AP2A1: variants seen among roughly 807,000 people sequenced by gnomAD.
AP2A1 encodes the protein adaptor related protein complex 2 subunit alpha 1.
In AP2A1, 21 loss-of-function variants were observed where a neutral mutation model predicts 107.3. That is an observed-to-expected ratio of 0.20 (90% CI 0.14 to 0.28). The LOEUF is 0.28. AP2A1 is among the 10% of genes least tolerant of loss of function. The probability of loss-of-function intolerance (pLI) is 1.00; values close to 1 mark genes in which losing one functional copy is unlikely to be tolerated. For missense variants in AP2A1, 873 were observed against 1,307.7 expected, an observed-to-expected ratio of 0.67 and a Z score of 5.13; for synonymous variants, 602 against 564.8, an observed-to-expected ratio of 1.07 and a Z score of -0.93.
chr19:49,783,251 G>T (rs547947654), intron 4 of AP2A1, among the ~76,000 whole-genome samples: 1 of 152,168 alleles, frequency 6.6e-6, no homozygotes, highest in Non-Finnish European at 1.5e-5. Context: ...CATTTGGGGA[G>T]GCTGAGGCAG....
chr19:49,801,163 C>A, intron 12 of AP2A1, 105 bp downstream of exon 12: 1 of 1,170,234 alleles, frequency 8.5e-7, no homozygotes, highest in Non-Finnish European at 1.2e-6. Flanking sequence ...GGCTCCCATC[C>A]TCTCGGCCTC....
chr19:49,794,214 T>G (rs1334453482), intron 6 of AP2A1, among the ~76,000 whole-genome samples: 3 of 146,604 alleles, frequency 2.0e-5, no homozygotes, highest in Non-Finnish European at 4.5e-5. Context: ...CATTGTTTCT[T>G]TCTCAGGTTT....
At chr19:49,798,729 C>A (rs2073241052) in intron 7 of AP2A1, 73 bp from the exon 8 acceptor site, 6 of 1,530,124 alleles carry the variant, frequency 3.9e-6, no homozygotes, top group Admixed American at 2.1e-5. Context: ...GGAGCTGGGG[C>A]ATGGCCACCA....
chr19:49,770,066 C>T (rs2084541710), intron 1 of AP2A1, among the ~76,000 whole-genome samples: 1 of 152,020 alleles, frequency 6.6e-6, no homozygotes, highest in Non-Finnish European at 1.5e-5. Flanking sequence ...GCAGGGTTTC[C>T]CCATGTTGGC....
intron 4 of AP2A1, among the ~76,000 whole-genome samples, chr19:49,783,299 G>A (rs1820156305): frequency 6.6e-6 from 1 of 152,114 alleles, no homozygotes; most frequent in African/African-American, 2.4e-5. Context: ...GACCAGCCTG[G>A]GCAACATGGC....
intron 22 of AP2A1, 157 bp downstream of exon 22, chr19:49,806,410 T>C (rs1012735257): frequency 1.7e-5 from 24 of 1,436,472 alleles, no homozygotes; most frequent in Non-Finnish European, 2.0e-5. Flanking sequence ...TATCTATCAG[T>C]TTAATCTCCT....
At chr19:49,786,872 G>A (rs1039282970) in intron 4 of AP2A1, among the ~76,000 whole-genome samples, 2 of 152,196 alleles carry the variant, frequency 1.3e-5, no homozygotes, top group Admixed American at 6.5e-5. Flanking sequence ...AGTGGATGCC[G>A]AGGGGTGGTG....
chr19:49,795,557 T>C (rs1233672059), intron 6 of AP2A1, 73 bp from the exon 7 acceptor site: 4 of 1,026,318 alleles, frequency 3.9e-6, no homozygotes, highest in East Asian at 5.2e-5. Context: ...CACCATTTGC[T>C]CCACCCTGGC....
At position 49,782,075 on chromosome 19, in the gene AP2A1, A is replaced by G. The variant is rs370079798; in HGVS notation, c.265A>G (p.Thr89Ala). 22 of 1,539,352 alleles carry G rather than the reference A, an allele frequency of 1.4e-5. No homozygotes were observed. Among genetic ancestry groups the G allele is most frequent in the East Asian group, 2.5e-5 (1 of 39,718 alleles). Residue 89 changes from threonine to alanine, a missense_variant, in exon 3 of 23, where the codon ACA (threonine) becomes GCA (alanine). By Grantham distance (58) the Thr-to-Ala change is moderately conservative. Around this residue, in one of 4 missense-constraint regions of AP2A1, gnomAD observed 87 missense variants for 178.2 expected, o/e 0.49. Transcript: ENST00000354293. Reference protein sequence around the residue: ...AVNLLSSNKYTEKQIGYLFIS... With the variant: ...AVNLLSSNKYAEKQIGYLFIS... The stretch of plus-strand genomic sequence containing the variant: ...GAATCTGTTGAGTTCCAATAAATAC[A>G]CAGAGAAGCAAATAGTGAGTCTGGA...
At chr19:49,803,463 T>C in intron 18 of AP2A1, 87 bp downstream of exon 18, 3 of 1,067,648 alleles carry the variant, frequency 2.8e-6, no homozygotes, top group Non-Finnish European at 4.3e-6. Context: ...GGTCCACACT[T>C]CTCTTCAGCC....
Position 49,805,556 on chromosome 19 carries a change from G to T in AP2A1, c.2448G>T (p.Pro816=). The change falls in exon 19 of 23, where the codon CCG becomes CCT. Residue 816 remains proline (P), a synonymous_variant. Transcript: ENST00000354293. ...IECLRDFLTP[P]LLSVRFRYGG... Reference sequence around the variant, plus strand: ...GCCTGCGGGACTTCCTGACGCCCCCGCTGCTGTCCGTGCGCTTCCGGTGAG... The same window carrying T: ...GCCTGCGGGACTTCCTGACGCCCCCTCTGCTGTCCGTGCGCTTCCGGTGAG... 1 of 1,577,534 alleles carries T rather than the reference G, an allele frequency of 6.3e-7. No homozygotes were observed. The highest frequency in any genetic ancestry group is 8.6e-7 in the Non-Finnish European group (1 of 1,162,000).
chr19:49,801,121 G>T, intron 12 of AP2A1, 63 bp downstream of exon 12: 1 of 1,457,416 alleles, frequency 6.9e-7, no homozygotes, highest in African/African-American at 1.4e-5. Flanking sequence ...GGGCTTGGGG[G>T]ATCCCCAGGG....
chr19:49,800,216 G>A (rs1457188667), intron 11 of AP2A1, 66 bp downstream of exon 11: 7 of 1,508,004 alleles, frequency 4.6e-6, no homozygotes, highest in African/African-American at 2.8e-5. Context: ...AAGGATGGCC[G>A]GGGCCGTGGC....
At chr19:49,791,379 G>A (rs2073141127) in intron 4 of AP2A1, among the ~76,000 whole-genome samples, 1 of 151,962 alleles carries the variant, frequency 6.6e-6, no homozygotes, top group African/African-American at 2.4e-5. Flanking sequence ...ACAAGCCTGC[G>A]CCACCACACC....
Position 49,799,015 on chromosome 19 carries a change from G to A in AP2A1, c.965+63G>A, listed in dbSNP as rs562640106. ...CCAGGAAAGAGGGGCATGGAGGCCC[G>A]GACTCCTGAGTCCTAGGCAGAGGGC... On this transcript the variant is annotated intron_variant, in intron 8 of 22. Transcript: ENST00000354293. The A allele has an allele frequency of 8.4e-6, 13 of 1,539,632 alleles. No individual in the cohort carries two copies. The East Asian group carries it at 9.8e-5, about 12-fold the overall frequency.
At chr19:49,769,327 AG>A (rs1350427898) in intron 1 of AP2A1, among the ~76,000 whole-genome samples, 2 of 152,210 alleles carry the variant, frequency 1.3e-5, no homozygotes, top group Non-Finnish European at 2.9e-5. Flanking sequence ...ACATATGCAC[AG>A]GGAACACCCT....
Position 49,801,993 on chromosome 19 carries a change from C to T in AP2A1, c.1966C>T (p.Pro656Ser), listed in dbSNP as rs781001322. ...GCGCTTCCTACAGTCGACGCCCTCGCCCTCCGCCGACCTCCTGGGGCTGCG... is the reference window on the plus strand; with the variant it reads ...GCGCTTCCTACAGTCGACGCCCTCGTCCTCCGCCGACCTCCTGGGGCTGCG... ...PTPSTVSTPS[P>S]SADLLGLRAA... The change falls in exon 15 of 23, where the codon CCC (proline) becomes TCC (serine). Residue 656 changes from proline to serine, a missense_variant. Around this residue, in one of 4 missense-constraint regions of AP2A1, gnomAD observed 416 missense variants for 473.4 expected, o/e 0.88. Transcript: ENST00000354293. 2.0e-6 allele frequency: 3 copies of T among 1,524,184 alleles called. No homozygotes were observed. Among genetic ancestry groups the T allele is most frequent in the South Asian group, 1.2e-5 (1 of 80,624 alleles). 94.4% of individuals were successfully genotyped at this position (1,524,184 alleles called of 1,614,324 possible). A position where few individuals can be genotyped will look rare whatever the true frequency, so the allele number is the denominator to read the frequency against.
At chr19:49,770,815 C>A (rs2084548455) in intron 1 of AP2A1, among the ~76,000 whole-genome samples, 1 of 152,026 alleles carries the variant, frequency 6.6e-6, no homozygotes, top group African/African-American at 2.4e-5. Context: ...AGAGTAGGGG[C>A]TGGTGGGATG....
chr19:49,793,931 G>A lies in AP2A1; in HGVS notation c.705+839G>A, dbSNP rs1254199152. ...TTTTTTTTTTTTTTTTTTTTGAGAC[G>A]GAGTCTCGTTCTGTCCCCAGGCTGG... On this transcript the variant is annotated intron_variant, in intron 6 of 22. Transcript: ENST00000354293. 4.2e-5 allele frequency among the ~76,000 whole-genome samples: 5 copies of A among 117,798 alleles called. No homozygotes were observed. In the East Asian group the frequency reaches 1.2e-3, roughly 29 times the overall value. 77.3% of individuals were successfully genotyped at this position (117,798 alleles called of 152,430 possible). A position where few individuals can be genotyped will look rare whatever the true frequency, so the allele number is the denominator to read the frequency against.
Sources: allele counts gnomAD v4.1 joint callset (sites outside exome capture counted in the v4.1 genomes callset), GRCh38; gene constraint gnomAD v4.1.1; regional missense constraint gnomAD v4.1.1; transcripts MANE v1.5; gene names NCBI Gene and HGNC (gene_info 2026-07-23, HGNC 2026-07-21).